SHROOM3: variants seen among roughly 807,000 people sequenced by gnomAD.
The protein encoded by SHROOM3 is shroom family member 3, also known as protein Shroom3.
In SHROOM3, 47 loss-of-function variants were observed where a neutral mutation model predicts 138.6. The observed-to-expected ratio is 0.34, with a 90% CI of 0.27 to 0.43. The LOEUF is 0.43. SHROOM3 is among the 20% of genes least tolerant of loss of function. The pLI is 1.00. For missense variants in SHROOM3, 2,491 were observed against 2,596.5 expected, an observed-to-expected ratio of 0.96 and a Z score of 0.88; for synonymous variants, 1,062 against 1,063.3, an observed-to-expected ratio of 1.00 and a Z score of 0.02.
At chr4:76,623,023 T>A (rs1735042863) in intron 2 of SHROOM3, among the ~76,000 whole-genome samples, 1 of 152,222 alleles carries the variant, frequency 6.6e-6, no homozygotes, top group Admixed American at 6.5e-5. Flanking sequence ...GGCAAAAGAT[T>A]ATGATTTACA....
At chr4:76,680,432 C>T (rs932444055) in intron 2 of SHROOM3, among the ~76,000 whole-genome samples, 4 of 152,208 alleles carry the variant, frequency 2.6e-5, no homozygotes, top group Admixed American at 2.0e-4. Context: ...AGCCACTGTA[C>T]CTGGCCCGAC....
At chr4:76,683,990 A>G (rs566450812) in intron 2 of SHROOM3, among the ~76,000 whole-genome samples, 1 of 152,350 alleles carries the variant, frequency 6.6e-6, no homozygotes, top group African/African-American at 2.4e-5. Flanking sequence ...TTTATAAAAC[A>G]TGTAACAAAT....
intron 2 of SHROOM3, among the ~76,000 whole-genome samples, chr4:76,606,972 A>T (rs1237177410): frequency 6.6e-6 from 1 of 152,078 alleles, no homozygotes; most frequent in Non-Finnish European, 1.5e-5. Context: ...CAAAATCTTC[A>T]AAAATGGCAG....
intron 9 of SHROOM3, among the ~76,000 whole-genome samples, chr4:76,761,720 A>G (rs1721992751): frequency 6.6e-6 from 1 of 152,192 alleles, no homozygotes; most frequent in Non-Finnish European, 1.5e-5. Flanking sequence ...TTAAACCAAA[A>G]ATATGAGAAC....
chr4:76,743,925 T>C (rs921263952), intron 5 of SHROOM3, among the ~76,000 whole-genome samples: 1 of 152,200 alleles, frequency 6.6e-6, no homozygotes, highest in Non-Finnish European at 1.5e-5. Context: ...TGCATAGCAG[T>C]CTAGACACCT....
intron 2 of SHROOM3, among the ~76,000 whole-genome samples, chr4:76,698,032 C>T (rs1415346658): frequency 1.3e-5 from 2 of 152,136 alleles, no homozygotes; most frequent in East Asian, 3.9e-4. Flanking sequence ...AGCTGTAAAC[C>T]ATTACTTTTC....
Position 76,739,580 on chromosome 4 carries a change from G to C in SHROOM3, c.1407G>C (p.Pro469=), listed in dbSNP as rs149936624. The C allele has an allele frequency of 8.8e-5, 142 of 1,614,132 alleles. No individual in the cohort carries two copies. The South Asian group carries it at 1.0e-3, about 12-fold the overall frequency. Residue 469 remains proline, a synonymous_variant, in exon 5 of 11, where the codon CCG becomes CCC. Coordinates refer to ENST00000296043, the MANE Select transcript of SHROOM3 (RefSeq NM_020859.4). ...GQPLLPTSIY[P]VPSLEPHFAQ... The stretch of plus-strand genomic sequence containing the variant: ...CTCTGCTGCCGACCAGCATCTACCC[G>C]GTACCTTCCCTGGAGCCACACTTTG...
chr4:76,598,600 C>A (rs1242557843), intron 2 of SHROOM3, among the ~76,000 whole-genome samples: 1 of 152,132 alleles, frequency 6.6e-6, no homozygotes, highest in Non-Finnish European at 1.5e-5. Context: ...GTAGAGGTGG[C>A]CAGGAAGTGG....
At chr4:76,572,107 G>A (rs1295198302) in intron 2 of SHROOM3, among the ~76,000 whole-genome samples, 1 of 152,064 alleles carries the variant, frequency 6.6e-6, no homozygotes, top group Non-Finnish European at 1.5e-5. Context: ...ATCCAAACTT[G>A]CCTTTGCATT....
chr4:76,522,350 G>A (rs1338611333), intron 1 of SHROOM3, among the ~76,000 whole-genome samples: 1 of 150,528 alleles, frequency 6.6e-6, no homozygotes, highest in Non-Finnish European at 1.5e-5. Context: ...ATAATTATAT[G>A]AGAATATCTT....
intron 1 of SHROOM3, among the ~76,000 whole-genome samples, chr4:76,468,966 G>A (rs964802056): frequency 2.6e-5 from 4 of 151,662 alleles, no homozygotes; most frequent in South Asian, 2.1e-4. Flanking sequence ...CCTGGGAGGT[G>A]CAGCTTGCAG....
chr4:76,448,491 TG>T (rs1473988881), intron 1 of SHROOM3, among the ~76,000 whole-genome samples: 2 of 152,194 alleles, frequency 1.3e-5, no homozygotes, highest in Non-Finnish European at 2.9e-5. Flanking sequence ...CAACCCTCCA[TG>T]ACCAACTGGA....
rs781058773 is a variant in SHROOM3 at position 76,532,748 on chromosome 4, A to AT, written c.169-22852dup. Among the ~76,000 whole-genome samples, 90 of 151,558 alleles carry AT rather than the reference A, an allele frequency of 5.9e-4. 1 individual carries two copies. The East Asian group carries it at 7.0e-3, about 12-fold the overall frequency. Reference sequence around the variant, plus strand: ...GTAGATTTTAGCAACCTCAGCGTACATTTTTTTTTCTAAAGTCAAGAACTT... The same window carrying AT: ...GTAGATTTTAGCAACCTCAGCGTACATTTTTTTTTTCTAAAGTCAAGAACTT... On this transcript the variant is annotated intron_variant, in intron 1 of 10. Transcript: ENST00000296043.
intron 1 of SHROOM3, among the ~76,000 whole-genome samples, chr4:76,454,475 C>A (rs964407430): frequency 6.6e-6 from 1 of 152,158 alleles, no homozygotes; most frequent in Non-Finnish European, 1.5e-5. Flanking sequence ...CCATTTATAG[C>A]CAGAGTTGAT....
intron 6 of SHROOM3, among the ~76,000 whole-genome samples, chr4:76,752,789 A>G (rs1206761039): frequency 6.6e-6 from 1 of 152,204 alleles, no homozygotes; most frequent in East Asian, 1.9e-4. Flanking sequence ...ATAAAAGTCT[A>G]TTGGGCTGGA....
At chr4:76,480,813 C>T (rs1579183479) in intron 1 of SHROOM3, among the ~76,000 whole-genome samples, 1 of 152,146 alleles carries the variant, frequency 6.6e-6, no homozygotes, top group African/African-American at 2.4e-5. Flanking sequence ...CAAACTAGAA[C>T]TCAGGATTAA....
intron 2 of SHROOM3, among the ~76,000 whole-genome samples, chr4:76,560,203 G>T (rs913606936): frequency 3.9e-5 from 6 of 152,074 alleles, no homozygotes; most frequent in Admixed American, 3.3e-4. Flanking sequence ...TCCAGGGATC[G>T]GGTAACCTTT....
In SHROOM3 at chr4:76,739,821, G is replaced by A; in HGVS notation, c.1648G>A (p.Ala550Thr). 6.2e-7 allele frequency: 1 copy of A among 1,614,182 alleles called. No homozygotes were observed. Among genetic ancestry groups the A allele is most frequent in the Non-Finnish European group, 8.5e-7 (1 of 1,180,044 alleles). ...AGTGGAGAAGAAACCAGAAGCTACA[G>A]CCAAGTATGTCCCCTCCAAAGTCCA... ...SPVEKKPEAT[A>T]KYVPSKVHFC... The change falls in exon 5 of 11, where the codon GCC (alanine) becomes ACC (threonine). Residue 550 changes from alanine (A) to threonine (T), a missense_variant. Physicochemically the swap from Ala to Thr is moderately conservative, Grantham distance 58. This residue lies in a region of SHROOM3 where 1,733 missense variants were observed against 1,661.6 expected (regional missense o/e 1.04). Coordinates refer to ENST00000296043, the MANE Select transcript of SHROOM3 (RefSeq NM_020859.4).
intron 2 of SHROOM3, among the ~76,000 whole-genome samples, chr4:76,627,390 ATTAG>A (rs1337227397): frequency 6.6e-6 from 1 of 152,220 alleles, no homozygotes; most frequent in East Asian, 1.9e-4. Context: ...TTGTGGCTGA[ATTAG>A]TTCTGATATT....
Sources: gnomAD v4.1 joint callset for allele counts (sites outside exome capture counted in the v4.1 genomes callset) on GRCh38, gnomAD v4.1.1 for gene constraint, gnomAD v4.1.1 regional missense constraint, MANE v1.5 for transcripts, NCBI Gene and HGNC (gene_info 2026-07-23, HGNC 2026-07-21) for gene names.